Variants in THSD7A observed in about 807,000 individuals in gnomAD.
THSD7A encodes the protein thrombospondin type 1 domain containing 7A.
THSD7A carries 96 observed loss-of-function variants against 231.3 expected under a neutral mutation model. The observed-to-expected ratio is 0.41, with a 90% confidence interval of 0.35 to 0.49. The LOEUF is 0.49. Among genes scored for constraint, THSD7A ranks in the 20% least tolerant of loss-of-function variants. THSD7A has a pLI of 0.05. For synonymous variants in THSD7A, 940 were observed against 743.3 expected (o/e 1.26, Z -4.30); for missense variants, 2,290 against 2,070.2 (o/e 1.11, Z -2.06).
chr7:11,417,857 C>T (rs756151122), intron 16 of THSD7A, among the ~76,000 whole-genome samples: 2 of 152,100 alleles, frequency 1.3e-5, no homozygotes, highest in African/African-American at 2.4e-5. Flanking sequence ...GAGTCTTTGA[C>T]TATAAGAGCC....
At chr7:11,665,975 T>C (rs1783115156) in intron 1 of THSD7A, among the ~76,000 whole-genome samples, 1 of 152,150 alleles carries the variant, frequency 6.6e-6, no homozygotes, top group Admixed American at 6.6e-5. Flanking sequence ...TTAGTCTCTT[T>C]AAGGTAAACT....
At chr7:11,716,956 C>T (rs1361090186) in intron 1 of THSD7A, among the ~76,000 whole-genome samples, 1 of 151,464 alleles carries the variant, frequency 6.6e-6, no homozygotes, top group Admixed American at 6.6e-5. Flanking sequence ...GAAATAGAAC[C>T]ACCTTTCTCA....
intron 1 of THSD7A, among the ~76,000 whole-genome samples, chr7:11,644,574 T>G (rs1782211019): frequency 1.3e-5 from 2 of 152,068 alleles, no homozygotes; most frequent in East Asian, 3.9e-4. Flanking sequence ...CAAGCTGAGC[T>G]TTCACCTTCA....
At chr7:11,767,685 A>C (rs1375624159) in intron 1 of THSD7A, among the ~76,000 whole-genome samples, 1 of 152,172 alleles carries the variant, frequency 6.6e-6, no homozygotes, top group East Asian at 1.9e-4. Context: ...TCACAGAAAA[A>C]CCTAGAAGAG....
chr7:11,817,046 G>A (rs1027135215), intron 1 of THSD7A, among the ~76,000 whole-genome samples: 5 of 152,176 alleles, frequency 3.3e-5, no homozygotes, highest in African/African-American at 1.2e-4. Flanking sequence ...TAATGGACAT[G>A]AAATAGTTGA....
chr7:11,627,214 G>A (rs1781500028), intron 2 of THSD7A, among the ~76,000 whole-genome samples: 1 of 151,826 alleles, frequency 6.6e-6, no homozygotes, highest in Non-Finnish European at 1.5e-5. Flanking sequence ...AAACCTGCAT[G>A]CTCTGCACAT....
At chr7:11,709,846 T>C (rs1780892116) in intron 1 of THSD7A, among the ~76,000 whole-genome samples, 1 of 150,848 alleles carries the variant, frequency 6.6e-6, no homozygotes, top group Non-Finnish European at 1.5e-5. Flanking sequence ...GCCTGCTATC[T>C]TTCCATTTGA....
chr7:11,824,221 G>A (rs181865996), intron 1 of THSD7A, among the ~76,000 whole-genome samples: 17 of 152,054 alleles, frequency 1.1e-4, no homozygotes, highest in Middle Eastern at 3.4e-3. Flanking sequence ...CTTCATTAAG[G>A]GCCAGTCTAA....
intron 6 of THSD7A, among the ~76,000 whole-genome samples, chr7:11,538,284 T>C (rs183625807): frequency 2.7e-4 from 41 of 152,130 alleles, no homozygotes; most frequent in Non-Finnish European, 5.3e-4. Context: ...GAAAGTCACA[T>C]GGAAAAGTGT....
At chr7:11,525,215 T>C (rs2128317517) in intron 6 of THSD7A, among the ~76,000 whole-genome samples, 1 of 152,266 alleles carries the variant, frequency 6.6e-6, no homozygotes, top group African/African-American at 2.4e-5. Flanking sequence ...TTCCCCTAAC[T>C]GCAATCAATA....
At chr7:11,625,295 T>C (rs1781441122) in intron 2 of THSD7A, among the ~76,000 whole-genome samples, 1 of 152,154 alleles carries the variant, frequency 6.6e-6, no homozygotes, top group Non-Finnish European at 1.5e-5. Context: ...ACTTGCTTCA[T>C]TTATTCCAGT....
intron 17 of THSD7A, among the ~76,000 whole-genome samples, chr7:11,416,656 A>G (rs1379713401): frequency 6.6e-6 from 1 of 152,212 alleles, no homozygotes; most frequent in Non-Finnish European, 1.5e-5. Context: ...AAATGGTTTT[A>G]TATTGTATTT....
In THSD7A at chr7:11,612,620, G is replaced by A. The variant is rs1305817070; in HGVS notation, c.1023-19118C>T. 3.9e-5 allele frequency among the ~76,000 whole-genome samples: 6 copies of A among 152,080 alleles called. No individual in the cohort carries two copies. In the South Asian group the frequency reaches 6.2e-4, roughly 16 times the overall value. The stretch of plus-strand genomic sequence containing the variant: ...AAATTACTGAGAAAGTATCAGAAGC[G>A]ATGTTATTGAGTCAGACATTTTAAT... On this transcript the variant is annotated intron_variant, in intron 2 of 27. Transcript: ENST00000423059.
At position 11,407,400 on chromosome 7, in the gene THSD7A, C is replaced by G; in HGVS notation, c.3822G>C (p.Gln1274His). 12 of 1,613,260 alleles carry G rather than the reference C, an allele frequency of 7.4e-6. No homozygotes were observed. Among genetic ancestry groups the G allele is most frequent in the Non-Finnish European group, 1.0e-5 (12 of 1,179,640 alleles). ...ATTCCACCATGCAGGACGTGTTCAT[C>G]TGCCAGTTCTTCTCCAAGCCAAGCT... ...CEALGLEKNW[Q>H]MNTSCMVECP... is the part of the protein sequence containing the mutation. The change falls in exon 20 of 28, where the codon CAG becomes CAC. Residue 1274 changes from glutamine (Q) to histidine (H), a missense_variant. By Grantham distance (24) the Gln-to-His change is conservative (BLOSUM62 0). Transcript: ENST00000423059.
intron 2 of THSD7A, among the ~76,000 whole-genome samples, chr7:11,605,458 G>A (rs1780702735): frequency 6.6e-6 from 1 of 152,044 alleles, no homozygotes; most frequent in Non-Finnish European, 1.5e-5. Context: ...AATCAGAGCT[G>A]GGGCTGTGGA....
At chr7:11,699,984 C>A (rs1461628999) in intron 1 of THSD7A, among the ~76,000 whole-genome samples, 5 of 151,224 alleles carry the variant, frequency 3.3e-5, no homozygotes, top group Non-Finnish European at 5.9e-5. Context: ...GAGTCAGAAT[C>A]AGAATAGTGT....
intron 4 of THSD7A, among the ~76,000 whole-genome samples, chr7:11,561,046 A>G (rs942924987): frequency 6.6e-6 from 1 of 152,176 alleles, no homozygotes; most frequent in African/African-American, 2.4e-5. Flanking sequence ...GCAACCGAGT[A>G]TGAAGTTGCC....
chr7:11,800,319 T>C (rs1784240134), intron 1 of THSD7A, among the ~76,000 whole-genome samples: 1 of 151,998 alleles, frequency 6.6e-6, no homozygotes, highest in African/African-American at 2.4e-5. Flanking sequence ...GAGGCCGAGG[T>C]GAGAAGATCG....
chr7:11,667,953 G>C (rs1015717719), intron 1 of THSD7A, among the ~76,000 whole-genome samples: 4 of 152,282 alleles, frequency 2.6e-5, no homozygotes, highest in Admixed American at 6.5e-5. Context: ...TTTAGAATAA[G>C]AAGAGGCTTT....
Sources: allele counts gnomAD v4.1 joint callset (sites outside exome capture counted in the v4.1 genomes callset), GRCh38; gene constraint gnomAD v4.1.1; transcripts MANE v1.5; gene names NCBI Gene and HGNC (gene_info 2026-07-23, HGNC 2026-07-21).